The following ADAMTS20 variants were observed in gnomAD, a reference collection of about 807,000 sequenced individuals.
ADAMTS20 encodes the protein ADAM metallopeptidase with thrombospondin type 1 motif 20, also known as A disintegrin and metalloproteinase with thrombospondin motifs 20.
Under a neutral mutation model 260.1 loss-of-function variants are expected in ADAMTS20, and 225 were observed. The observed-to-expected ratio is 0.87, with a 90% CI of 0.78 to 0.97. The LOEUF is 0.97. Ranked by LOEUF, ADAMTS20 falls within the 50% of genes least tolerant of loss-of-function variation. The probability of loss-of-function intolerance (pLI) is 0.00; values close to 1 mark genes in which losing one functional copy is unlikely to be tolerated. For synonymous variants in ADAMTS20, 802 were observed against 769.5 expected, an observed-to-expected ratio of 1.04 and a Z score of -0.70; for missense variants, 2,400 against 2,337.7, an observed-to-expected ratio of 1.03 and a Z score of -0.55.
rs191785576 is a variant in ADAMTS20 at position 43,419,247 on chromosome 12, A to G, written c.4284+6267T>C. The stretch of plus-strand genomic sequence containing the variant: ...CTATATAATACATATATATGGGCAC[A>G]TTCTCAAAATGTTCTACTGAGAATG... On this transcript the variant is annotated intron_variant, in intron 28 of 38. Coordinates refer to ENST00000389420, the MANE Select transcript of ADAMTS20 (RefSeq NM_025003.5). Among the ~76,000 whole-genome samples the G allele has an allele frequency of 2.4e-3, 358 of 152,270 alleles. 3 individuals are homozygous for G. The highest frequency in any genetic ancestry group is 0.01 in the Middle Eastern group (3 of 290).
chr12:43,457,953 A>C (rs986290943), intron 11 of ADAMTS20, among the ~76,000 whole-genome samples: 1 of 152,242 alleles, frequency 6.6e-6, no homozygotes, highest in Non-Finnish European at 1.5e-5. Context: ...TGTGAACCCC[A>C]AAAATTTATG....
At chr12:43,445,698 A>G (rs1941747392) in intron 15 of ADAMTS20, among the ~76,000 whole-genome samples, 1 of 151,804 alleles carries the variant, frequency 6.6e-6, no homozygotes, top group Non-Finnish European at 1.5e-5. Context: ...ACACACACAC[A>G]CAAATTAGAT....
At chr12:43,478,579 T>TG (rs1942394842) in intron 7 of ADAMTS20, among the ~76,000 whole-genome samples, 1 of 152,088 alleles carries the variant, frequency 6.6e-6, no homozygotes, top group African/African-American at 2.4e-5. Context: ...TATATTAGGA[T>TG]GAAGTTTTAA....
rs1286053103 is a variant in ADAMTS20, at chr12:43,474,217, G to A, written c.1118-5512C>T. Among the ~76,000 whole-genome samples, 59 of 139,626 alleles carry A rather than the reference G, an allele frequency of 4.2e-4. 1 individual carries two copies. The highest frequency in any genetic ancestry group is 3.6e-3 in the Middle Eastern group (1 of 276). The allele number at this position is 139,626 out of a possible 152,430, so 91.6% of individuals were successfully genotyped here. ...CAGAGAATACTACAAACACCTCTAC[G>A]CAAATAAACTAGAAAATCTAGAAGA... On this transcript the variant is annotated intron_variant, in intron 7 of 38. Transcript: ENST00000389420.
rs760574324 is a variant in ADAMTS20 at position 43,492,751 on chromosome 12, G to A, written c.952-122C>T. On this transcript the variant is annotated intron_variant, in intron 5 of 38. Transcript: ENST00000389420. ...CTCACAGGTGAATGAAGGAGTGACAGCATCTCTTCTTCATATATTAACTAT... is the reference window on the plus strand; with the variant it reads ...CTCACAGGTGAATGAAGGAGTGACAACATCTCTTCTTCATATATTAACTAT... 2.3e-4 allele frequency: 251 copies of A among 1,075,026 alleles called. 1 individual carries two copies. The Middle Eastern group carries it at 2.8e-3, about 12-fold the overall frequency. 66.6% of individuals were successfully genotyped at this position (1,075,026 alleles called of 1,614,324 possible). A position where few individuals can be genotyped will look rare whatever the true frequency, so the allele number is the denominator to read the frequency against.
At chr12:43,406,008 TA>T (rs1272484905) in intron 28 of ADAMTS20, among the ~76,000 whole-genome samples, 1 of 152,196 alleles carries the variant, frequency 6.6e-6, no homozygotes, top group East Asian at 1.9e-4. Context: ...TTCGTTTAAG[TA>T]AAGGTAAACT....
At chr12:43,480,832 G>A (rs1039326130) in intron 7 of ADAMTS20, among the ~76,000 whole-genome samples, 6 of 152,058 alleles carry the variant, frequency 3.9e-5, no homozygotes, top group African/African-American at 1.4e-4. Context: ...GGTAGGGAAT[G>A]GGGAAGTTCT....
chr12:43,430,649 T>G (rs896037204), intron 22 of ADAMTS20, among the ~76,000 whole-genome samples, 178 bp from the exon 23 acceptor site: 6 of 152,100 alleles, frequency 3.9e-5, no homozygotes, highest in Non-Finnish European at 5.9e-5. Flanking sequence ...TTATTCAAAT[T>G]AAGTAAATAC....
intron 14 of ADAMTS20, among the ~76,000 whole-genome samples, chr12:43,451,240 A>G (rs1941858933): frequency 6.6e-6 from 1 of 152,192 alleles, no homozygotes. Context: ...GATCTCATAG[A>G]AGTACACTTA....
At chr12:43,510,448 C>CT (rs1195742375) in intron 3 of ADAMTS20, among the ~76,000 whole-genome samples, 87 of 144,860 alleles carry the variant, frequency 6.0e-4, no homozygotes, top group South Asian at 8.7e-4. Flanking sequence ...AATCTCATTA[C>CT]TTTTTTTTTT....
At chr12:43,519,925 T>C (rs1313373492) in intron 3 of ADAMTS20, among the ~76,000 whole-genome samples, 1 of 152,180 alleles carries the variant, frequency 6.6e-6, no homozygotes, top group Non-Finnish European at 1.5e-5. Flanking sequence ...AGAGTGGTCA[T>C]CAAATAATCC....
At position 43,434,227 on chromosome 12, in the gene ADAMTS20, A is replaced by G; in HGVS notation, c.2720+18T>C. 1.9e-6 allele frequency: 3 copies of G among 1,556,902 alleles called. No individual in the cohort carries two copies. The highest frequency in any genetic ancestry group is 1.7e-6 in the Non-Finnish European group (2 of 1,148,388). ...TCACTTATTAATCTGGTTATATTAC[A>G]TATTATTTCTCTTTTACCTTAGTTC... On this transcript the variant is annotated intron_variant, in intron 19 of 38. Transcript: ENST00000389420.
chr12:43,430,706 A>C (rs774001614), intron 22 of ADAMTS20, among the ~76,000 whole-genome samples: 7 of 152,332 alleles, frequency 4.6e-5, no homozygotes, highest in Non-Finnish European at 1.0e-4. Context: ...TGTATTCTGA[A>C]AAGTTGTCAT....
chr12:43,438,475 A>G (rs1448353554), intron 18 of ADAMTS20, among the ~76,000 whole-genome samples: 4 of 152,186 alleles, frequency 2.6e-5, no homozygotes, highest in Admixed American at 1.3e-4. Context: ...TCTATCTTGC[A>G]TCATTTCCTT....
intron 11 of ADAMTS20, among the ~76,000 whole-genome samples, chr12:43,460,988 A>ATATATATATATATATT: frequency 3.8e-5 from 1 of 26,396 alleles, no homozygotes. Context: ...ATATATATAT[A>ATATATATATATATATT]TTTTTTTTTT....
chr12:43,475,276 C>T, intron 7 of ADAMTS20, among the ~76,000 whole-genome samples: 1 of 97,902 alleles, frequency 1.0e-5, no homozygotes, highest in Non-Finnish European at 2.1e-5. Flanking sequence ...AGGAATCCAA[C>T]TTACAAGGGA....
chr12:43,551,073 C>A lies in ADAMTS20; in HGVS notation c.289G>T (p.Ala97Ser), dbSNP rs368845264. 1 of 1,613,788 alleles carries A rather than the reference C, an allele frequency of 6.2e-7. No homozygotes were observed. The highest frequency in any genetic ancestry group is 1.7e-5 in the Admixed American group (1 of 60,020). Reference sequence around the variant, plus strand: ...GTGTAGCCGGCGGCCAGAAAGGATGCATCGGCGGTCAGGTTCAGCTGGAAG... The same window carrying A: ...GTGTAGCCGGCGGCCAGAAAGGATGAATCGGCGGTCAGGTTCAGCTGGAAG... Reference protein sequence around the residue: ...QLFQLNLTADASFLAAGYTEV... With the variant: ...QLFQLNLTADSSFLAAGYTEV... Residue 97 changes from alanine to serine, a missense_variant, in exon 2 of 39, where the codon GCA (alanine) becomes TCA (serine). Ala to Ser is a moderately conservative substitution (Grantham distance 99). Coordinates refer to ENST00000389420, the MANE Select transcript of ADAMTS20 (RefSeq NM_025003.5). This position sits in a 1 kb window ranked among gnomAD's most constrained non-coding sequence, Gnocchi z 4.6.
In ADAMTS20 at chr12:43,354,781, G is replaced by A. The variant is rs192588949; in HGVS notation, c.5644-483C>T. Reference sequence around the variant, plus strand: ...TTTATTTCAAGCATCTCGTGGAGGCGTTAGAAACACACTCTGGAGAAAAGT... The same window carrying A: ...TTTATTTCAAGCATCTCGTGGAGGCATTAGAAACACACTCTGGAGAAAAGT... On this transcript the variant is annotated intron_variant, in intron 38 of 38. Transcript: ENST00000389420. 3.4e-4 allele frequency among the ~76,000 whole-genome samples: 51 copies of A among 152,188 alleles called. 1 individual carries two copies. The East Asian group carries it at 6.9e-3, about 21-fold the overall frequency.
chr12:43,428,696 G>A lies in ADAMTS20; in HGVS notation c.3593C>T (p.Pro1198Leu). The A allele has an allele frequency of 6.2e-7, 1 of 1,612,204 alleles. No individual in the cohort carries two copies. The change falls in exon 25 of 39, where the codon CCT becomes CTT. Residue 1198 changes from proline to leucine, a missense_variant. Coordinates refer to ENST00000389420, the MANE Select transcript of ADAMTS20 (RefSeq NM_025003.5). ...GGTAAAACAGTCCCATATTTCAGCAGGTCGGGGTAAGTGGGCACAATATGA... is the reference window on the plus strand; with the variant it reads ...GGTAAAACAGTCCCATATTTCAGCAAGTCGGGGTAAGTGGGCACAATATGA... ...DESYCAHLPR[P>L]AEIWDCFTPC...
Sources: allele counts gnomAD v4.1 joint callset (sites outside exome capture counted in the v4.1 genomes callset), GRCh38; gene constraint gnomAD v4.1.1; non-coding constraint Gnocchi (gnomAD v3.1); transcripts MANE v1.5; gene names NCBI Gene and HGNC (gene_info 2026-07-23, HGNC 2026-07-21).